The following LPCAT3 variants were observed in gnomAD, a reference collection of about 807,000 sequenced individuals.
The protein encoded by LPCAT3 is lysophosphatidylcholine acyltransferase 3.
Under a neutral mutation model 63.4 loss-of-function variants are expected in LPCAT3, and 21 were observed. The observed-to-expected ratio is 0.33, with a 90% CI of 0.23 to 0.48. The LOEUF is 0.48. Ranked by LOEUF, LPCAT3 falls within the 20% of genes least tolerant of loss-of-function variation. The pLI is 0.99. For missense variants in LPCAT3, 451 were observed against 590.6 expected (o/e 0.76, Z 2.45); for synonymous variants, 242 against 227.5 (o/e 1.06, Z -0.58).
intron 2 of LPCAT3, chr12:6,983,019 T>C: frequency 6.8e-6 from 4 of 591,814 alleles, no homozygotes; most frequent in Non-Finnish European, 1.3e-5. Context: ...ACTTGCTCTG[T>C]TGTCCAGACT....
rs117605641 is a variant in LPCAT3 at position 6,978,844 on chromosome 12, T to C, written c.787-155A>G. On this transcript the variant is annotated intron_variant, in intron 7 of 12. Coordinates refer to ENST00000261407, the MANE Select transcript of LPCAT3 (RefSeq NM_005768.6). ...TAGTCTGGCCTGATTGCCTTCACAA[T>C]AGGCAGAGAGGAATAAGCAGAGGGC... is the stretch of plus-strand genomic sequence containing the variant. 5.6e-5 allele frequency: 58 copies of C among 1,033,676 alleles called. No homozygotes were observed. The East Asian group carries it at 1.4e-3, about 24-fold the overall frequency. 64.0% of individuals were successfully genotyped at this position (1,033,676 alleles called of 1,614,324 possible).
intron 1 of LPCAT3, among the ~76,000 whole-genome samples, chr12:6,985,675 A>T (rs1946517807): frequency 4.0e-5 from 6 of 151,872 alleles, no homozygotes; most frequent in Admixed American, 3.9e-4. Context: ...AGATCGTGCC[A>T]TTGCACTCCA....
At position 6,978,147 on chromosome 12, in the gene LPCAT3, CT is replaced by C. The variant is rs1565596487; in HGVS notation, c.1040+193del. The stretch of plus-strand genomic sequence containing the variant: ...GTCTTAACGCACTTTTATATCTTGC[CT>C]TTTTTTCAAATATGACAGTAATGGT... On this transcript the variant is annotated intron_variant, in intron 9 of 12. Transcript: ENST00000261407. 23 of 662,132 alleles carry C rather than the reference CT, an allele frequency of 3.5e-5. No homozygotes were observed. The South Asian group carries it at 4.2e-4, about 12-fold the overall frequency. The allele number at this position is 662,132 out of a possible 1,614,324, so 41.0% of individuals were successfully genotyped here. A position where few individuals can be genotyped will look rare whatever the true frequency, so the allele number is the denominator to read the frequency against.
intron 1 of LPCAT3, among the ~76,000 whole-genome samples, chr12:6,994,607 C>G (rs903693873): frequency 2.6e-5 from 4 of 152,144 alleles, no homozygotes; most frequent in African/African-American, 4.8e-5. Flanking sequence ...GCTGGGACTA[C>G]AGGTGTGCAC....
chr12:7,012,167 C>T (rs1011934762), intron 1 of LPCAT3, among the ~76,000 whole-genome samples: 68 of 152,212 alleles, frequency 4.5e-4, no homozygotes, highest in African/African-American at 1.4e-3. Context: ...GACTAGGGAA[C>T]ACTCACAGTA....
At chr12:7,013,668 T>C (rs971834133) in intron 1 of LPCAT3, among the ~76,000 whole-genome samples, 2 of 152,166 alleles carry the variant, frequency 1.3e-5, no homozygotes, top group Non-Finnish European at 2.9e-5. Flanking sequence ...TTCAAAAGGT[T>C]CCGGTATTCC....
intron 1 of LPCAT3, among the ~76,000 whole-genome samples, chr12:6,991,517 A>G (rs1460512725): frequency 6.6e-6 from 1 of 152,190 alleles, no homozygotes; most frequent in Non-Finnish European, 1.5e-5. Context: ...CTTAAATTTC[A>G]CCATTGATTT....
intron 6 of LPCAT3, among the ~76,000 whole-genome samples, chr12:6,980,473 A>T (rs1270494237): frequency 1.3e-5 from 2 of 151,974 alleles, no homozygotes; most frequent in African/African-American, 4.8e-5. Context: ...CTCCCACTTC[A>T]GCCTCCTATG....
In LPCAT3 at chr12:6,987,268, G is replaced by A. The variant is rs782678950; in HGVS notation, c.152-3729C>T. Reference sequence around the variant, plus strand: ...TTCATTCACCAAGTGTTTAGTAAATGCCTGCTATATGCCAGGTATTCTGTT... The same window carrying A: ...TTCATTCACCAAGTGTTTAGTAAATACCTGCTATATGCCAGGTATTCTGTT... On this transcript the variant is annotated intron_variant, in intron 1 of 12. Transcript: ENST00000261407. This position sits in a 1 kb window ranked among gnomAD's most constrained non-coding sequence, Gnocchi z 4.1. Among the ~76,000 whole-genome samples, 3 of 152,310 alleles carry A rather than the reference G, an allele frequency of 2.0e-5. No individual in the cohort carries two copies. The South Asian group carries it at 6.2e-4, about 32-fold the overall frequency.
rs781882532 is a variant in LPCAT3 at position 6,992,976 on chromosome 12, TTATTTA to T, written c.152-9443_152-9438del. Among the ~76,000 whole-genome samples the T allele has an allele frequency of 9.2e-5, 14 of 152,332 alleles. 1 individual carries two copies. The South Asian group carries it at 2.9e-3, about 32-fold the overall frequency. The stretch of plus-strand genomic sequence containing the variant: ...TAGCTGCTATATAGCATATTGTTTT[TTATTTA>T]TATTTTTATTATTGTATTATTATTT... On this transcript the variant is annotated intron_variant, in intron 1 of 12. Coordinates refer to ENST00000261407, the MANE Select transcript of LPCAT3 (RefSeq NM_005768.6).
intron 1 of LPCAT3, among the ~76,000 whole-genome samples, chr12:7,010,619 G>A (rs1284187690): frequency 1.3e-5 from 2 of 152,076 alleles, no homozygotes; most frequent in African/African-American, 2.4e-5. Context: ...TGAACTGGAC[G>A]CCTCATATGA....
chr12:7,011,915 C>T (rs923337875), intron 1 of LPCAT3, among the ~76,000 whole-genome samples: 5 of 152,080 alleles, frequency 3.3e-5, no homozygotes, highest in Non-Finnish European at 7.4e-5. Flanking sequence ...TCTAGCTTAC[C>T]TTTGGTCTCT....
At chr12:6,979,647 C>A in intron 6 of LPCAT3, 68 bp from the exon 7 acceptor site, 1 of 1,113,514 alleles carries the variant, frequency 9.0e-7, no homozygotes, top group South Asian at 1.3e-5. Flanking sequence ...CTCTGACCTT[C>A]AGTTATGGAG....
At chr12:7,009,324 G>T (rs1394120417) in intron 1 of LPCAT3, among the ~76,000 whole-genome samples, 2 of 152,212 alleles carry the variant, frequency 1.3e-5, no homozygotes, top group Admixed American at 1.3e-4. Flanking sequence ...GCCTCCCAAA[G>T]TGCTGGGATT....
At chr12:6,983,708 A>AAAAG (rs1302123406) in intron 1 of LPCAT3, among the ~76,000 whole-genome samples, 169 bp from the exon 2 acceptor site, 1 of 152,204 alleles carries the variant, frequency 6.6e-6, no homozygotes, top group Non-Finnish European at 1.5e-5. Flanking sequence ...CCCAAGAACC[A>AAAAG]AAAGTTTTTT....
intron 1 of LPCAT3, among the ~76,000 whole-genome samples, chr12:6,994,374 A>AT (rs782583252): frequency 1.4e-3 from 218 of 151,360 alleles, no homozygotes; most frequent in African/African-American, 4.3e-3. Context: ...TGCCCAGCTA[A>AT]TTTTTGTATT....
chr12:6,979,428 G>T, intron 7 of LPCAT3, 43 bp downstream of exon 7: 1 of 1,406,170 alleles, frequency 7.1e-7, no homozygotes, highest in Non-Finnish European at 1.0e-6. Context: ...CCATTTTCTA[G>T]CTCTGGTGCA....
Position 7,018,146 on chromosome 12 carries a change from A to C in LPCAT3, c.151+128T>G. 1.9e-6 allele frequency: 2 copies of C among 1,056,482 alleles called. No individual in the cohort carries two copies. Among genetic ancestry groups the C allele is most frequent in the Non-Finnish European group, 2.8e-6 (2 of 718,198 alleles). The allele number at this position is 1,056,482 out of a possible 1,614,324, so 65.4% of individuals were successfully genotyped here. On this transcript the variant is annotated intron_variant, in intron 1 of 12. Transcript: ENST00000261407. The surrounding 1 kb of genome is among the most constrained non-coding windows in gnomAD (Gnocchi z 4.9). Reference sequence around the variant, plus strand: ...CCCTCAGTAGCTGTTGGTGTGCTTCAGGATTCACACCCGCACCCGGCACAG... The same window carrying C: ...CCCTCAGTAGCTGTTGGTGTGCTTCCGGATTCACACCCGCACCCGGCACAG...
intron 1 of LPCAT3, chr12:6,988,188 C>T (rs1384057285): frequency 2.2e-5 from 4 of 179,360 alleles, no homozygotes; most frequent in Admixed American, 6.2e-5. Flanking sequence ...CAGGAGGGGA[C>T]GTTGTTGAGT....
Sources: allele counts gnomAD v4.1 joint callset (sites outside exome capture counted in the v4.1 genomes callset), GRCh38; gene constraint gnomAD v4.1.1; non-coding constraint Gnocchi (gnomAD v3.1); transcripts MANE v1.5; gene names NCBI Gene and HGNC (gene_info 2026-07-23, HGNC 2026-07-21).